The following NEGR1 variants were observed in gnomAD, a reference collection of about 807,000 sequenced individuals.
NEGR1 encodes the protein IgLON family member 4.
NEGR1 carries 10 observed loss-of-function variants against 40.9 expected under a neutral mutation model. The observed-to-expected ratio is 0.24, with a 90% confidence interval of 0.15 to 0.42. The LOEUF (loss-of-function observed/expected upper bound fraction) is 0.42, where lower values mean the gene tolerates loss of function less well. NEGR1 is among the 10% of genes least tolerant of loss of function. The pLI, the probability that NEGR1 is intolerant of heterozygous loss-of-function variation, is 1.00. For missense variants in NEGR1, 352 were observed against 438.9 expected, an observed-to-expected ratio of 0.80 and a Z score of 1.77; for synonymous variants, 185 against 166.8, an observed-to-expected ratio of 1.11 and a Z score of -0.84.
chr1:72,157,990 T>C (rs181027045), intron 1 of NEGR1, among the ~76,000 whole-genome samples: 7 of 152,176 alleles, frequency 4.6e-5, no homozygotes, highest in African/African-American at 1.7e-4. Flanking sequence ...ATTTTCACCA[T>C]CCAATTCATG....
At chr1:71,685,956 T>G (rs1401365630) in intron 4 of NEGR1, among the ~76,000 whole-genome samples, 1 of 5,142 alleles carries the variant, frequency 1.9e-4, no homozygotes, top group African/African-American at 2.2e-4. Flanking sequence ...ATGTCAGAGG[T>G]TAATGGCCAG....
At chr1:71,723,393 A>G (rs924545036) in intron 3 of NEGR1, among the ~76,000 whole-genome samples, 1 of 152,110 alleles carries the variant, frequency 6.6e-6, no homozygotes, top group Non-Finnish European at 1.5e-5. Flanking sequence ...TCAAACCTCA[A>G]TTAGAAATTT....
chr1:71,769,629 G>A lies in NEGR1; in HGVS notation c.535+6543C>T, dbSNP rs1313371181. ...TGGCACTTCTCTTTGATGCCACCACGTGAAGGACAGTTTTGCTTCCCCTTC... is the reference window on the plus strand; with the variant it reads ...TGGCACTTCTCTTTGATGCCACCACATGAAGGACAGTTTTGCTTCCCCTTC... On this transcript the variant is annotated intron_variant, in intron 3 of 6. Coordinates refer to ENST00000357731, the MANE Select transcript of NEGR1 (RefSeq NM_173808.3). Among the ~76,000 whole-genome samples, 7 of 152,042 alleles carry A rather than the reference G, an allele frequency of 4.6e-5. 1 individual carries two copies. Among genetic ancestry groups the A allele is most frequent in the East Asian group, 3.9e-4 (2 of 5,178 alleles).
chr1:71,433,588 G>A (rs1646483576), intron 6 of NEGR1, among the ~76,000 whole-genome samples: 2 of 152,206 alleles, frequency 1.3e-5, no homozygotes, highest in Admixed American at 6.5e-5. Flanking sequence ...CATGGCAGCG[G>A]CAAGAGAAAA....
chr1:72,119,560 G>T (rs901072039), intron 1 of NEGR1, among the ~76,000 whole-genome samples: 1 of 151,900 alleles, frequency 6.6e-6, no homozygotes, highest in Non-Finnish European at 1.5e-5. Context: ...TTATCATATT[G>T]GCAGAAATAT....
intron 1 of NEGR1, among the ~76,000 whole-genome samples, chr1:71,971,694 C>T (rs536473988): frequency 1.8e-4 from 27 of 152,272 alleles, no homozygotes; most frequent in Admixed American, 5.9e-4. Context: ...TGCCACATTC[C>T]ACAATATTTG....
chr1:72,002,580 G>A (rs1340315157), intron 1 of NEGR1, among the ~76,000 whole-genome samples: 1 of 152,034 alleles, frequency 6.6e-6, no homozygotes, highest in Non-Finnish European at 1.5e-5. Flanking sequence ...TTGTTTGGTA[G>A]AATTTTATTA....
In NEGR1 at chr1:71,928,473, T is replaced by C. The variant is rs796519252; in HGVS notation, c.409+6606A>G. ...GTATATATACACACATACTTATATA[T>C]ACACATATATATGTATATATACACA... On this transcript the variant is annotated intron_variant, in intron 2 of 6. Coordinates refer to ENST00000357731, the MANE Select transcript of NEGR1 (RefSeq NM_173808.3). Among the ~76,000 whole-genome samples, 707 of 95,180 alleles carry C rather than the reference T, an allele frequency of 7.4e-3. 28 individuals are homozygous for C. Among genetic ancestry groups the C allele is most frequent in the African/African-American group, 0.026 (633 of 24,446 alleles). 62.4% of individuals were successfully genotyped at this position (95,180 alleles called of 152,430 possible). A position where few individuals can be genotyped will look rare whatever the true frequency, so the allele number is the denominator to read the frequency against.
chr1:71,688,333 G>GAT (rs1553158616), intron 4 of NEGR1, among the ~76,000 whole-genome samples: 2 of 50,912 alleles, frequency 3.9e-5, no homozygotes, highest in Non-Finnish European at 7.4e-5. Flanking sequence ...TATATAGATA[G>GAT]ATAGATAGAT....
At chr1:71,595,496 G>A (rs1649666543) in intron 5 of NEGR1, among the ~76,000 whole-genome samples, 1 of 152,176 alleles carries the variant, frequency 6.6e-6, no homozygotes, top group Non-Finnish European at 1.5e-5. Flanking sequence ...TTCTGATATG[G>A]TGTATATGTC....
chr1:71,484,724 C>T (rs1189405672), intron 6 of NEGR1: 1 of 151,670 alleles, frequency 6.6e-6, no homozygotes, highest in African/African-American at 2.4e-5. Flanking sequence ...GCTTTTGTGG[C>T]TGAGCAAATG....
intron 1 of NEGR1, among the ~76,000 whole-genome samples, chr1:72,004,399 C>T (rs1052580006): frequency 7.2e-5 from 11 of 152,038 alleles, no homozygotes; most frequent in South Asian, 4.1e-4. Flanking sequence ...CCCTGCCTCC[C>T]GGGTTCAAAC....
chr1:72,008,437 A>G (rs1015128853), intron 1 of NEGR1, among the ~76,000 whole-genome samples: 5 of 152,178 alleles, frequency 3.3e-5, no homozygotes, highest in African/African-American at 1.2e-4. Context: ...TGTGCTACAC[A>G]TAATTTAAGG....
chr1:71,960,638 C>T (rs953553831), intron 1 of NEGR1, among the ~76,000 whole-genome samples: 5 of 152,012 alleles, frequency 3.3e-5, no homozygotes, highest in African/African-American at 1.2e-4. Flanking sequence ...TTTCTTGTAT[C>T]CATCCGAAAC....
rs189457657 is a variant in NEGR1 at position 72,149,324 on chromosome 1, T to G, written c.176+132995A>C. On this transcript the variant is annotated intron_variant, in intron 1 of 6. Transcript: ENST00000357731. ...CCCCCTGGGTCCCTCCCACTACATG[T>G]GGGAATTCTGGGAGATATAATTCAA... Among the ~76,000 whole-genome samples the G allele has an allele frequency of 4.8e-3, 735 of 152,196 alleles. 5 individuals are homozygous for G. Among genetic ancestry groups the G allele is most frequent in the African/African-American group, 0.017 (707 of 41,526 alleles).
intron 2 of NEGR1, among the ~76,000 whole-genome samples, chr1:71,927,865 G>C (rs1215307166): frequency 7.5e-6 from 1 of 132,788 alleles, no homozygotes; most frequent in Admixed American, 7.6e-5. Flanking sequence ...AGGCAGAGTG[G>C]TGTGCACCTG....
rs1646573484 is a variant in NEGR1 at position 72,003,263 on chromosome 1, T to A, written c.177-67952A>T. Among the ~76,000 whole-genome samples, 3 of 151,778 alleles carry A rather than the reference T, an allele frequency of 2.0e-5. No individual in the cohort carries two copies. The South Asian group carries it at 6.2e-4, about 32-fold the overall frequency. ...CTTGACAATCTAGAGGCCGTTCTGCTCTGGTGGTACAATATTGACTTTTAC... is the reference window on the plus strand; with the variant it reads ...CTTGACAATCTAGAGGCCGTTCTGCACTGGTGGTACAATATTGACTTTTAC... On this transcript the variant is annotated intron_variant, in intron 1 of 6. Coordinates refer to ENST00000357731, the MANE Select transcript of NEGR1 (RefSeq NM_173808.3).
At chr1:71,819,034 T>G in intron 2 of NEGR1, among the ~76,000 whole-genome samples, 1 of 152,118 alleles carries the variant, frequency 6.6e-6, no homozygotes, top group East Asian at 1.9e-4. Flanking sequence ...CCTTTTATAT[T>G]TTATACAAAG....
chr1:72,045,589 G>A (rs936811392), intron 1 of NEGR1, among the ~76,000 whole-genome samples: 1 of 151,714 alleles, frequency 6.6e-6, no homozygotes, highest in African/African-American at 2.4e-5. Context: ...ATCCATATAA[G>A]ATGTGACTTG....
Sources: gnomAD v4.1 joint callset for allele counts (sites outside exome capture counted in the v4.1 genomes callset) on GRCh38, gnomAD v4.1.1 for gene constraint, MANE v1.5 for transcripts, NCBI Gene and HGNC (gene_info 2026-07-23, HGNC 2026-07-21) for gene names.